Variants in PDZRN4 observed in about 807,000 individuals in gnomAD.
PDZRN4 encodes PDZ domain-containing RING finger protein 4.
In PDZRN4, 70 loss-of-function variants were observed where a neutral mutation model predicts 99.0. That is an observed-to-expected ratio of 0.71 (90% confidence interval 0.58 to 0.86). The LOEUF (loss-of-function observed/expected upper bound fraction) is 0.86. Among genes scored for constraint, PDZRN4 ranks in the 40% least tolerant of loss-of-function variants. The pLI, the probability that PDZRN4 is intolerant of heterozygous loss-of-function variation, is 0.00. For missense variants in PDZRN4, 1,474 were observed against 1,331.2 expected (o/e 1.11, Z -1.67); for synonymous variants, 551 against 501.6 (o/e 1.10, Z -1.32).
intron 3 of PDZRN4, among the ~76,000 whole-genome samples, chr12:41,393,507 TAA>T (rs61331927): frequency 0.015 from 2,175 of 149,064 alleles, 40 homozygotes; most frequent in East Asian, 0.11. Flanking sequence ...CCTTCTAAAA[TAA>T]AAAAAAAAAA....
chr12:41,439,724 T>G (rs941569680), intron 3 of PDZRN4, among the ~76,000 whole-genome samples: 2 of 152,160 alleles, frequency 1.3e-5, no homozygotes, highest in African/African-American at 4.8e-5. Flanking sequence ...CCTCCATATA[T>G]TTATTTTATT....
At chr12:41,339,179 A>G (rs912601700) in intron 3 of PDZRN4, among the ~76,000 whole-genome samples, 3 of 151,964 alleles carry the variant, frequency 2.0e-5, no homozygotes, top group Non-Finnish European at 4.4e-5. Context: ...AAATTATGCT[A>G]CAGAGTTATG....
At chr12:41,567,761 G>A in intron 8 of PDZRN4, 22 bp from the exon 9 acceptor site, 5 of 1,463,262 alleles carry the variant, frequency 3.4e-6, no homozygotes, top group Non-Finnish European at 3.8e-6. Context: ...ATAATATAAT[G>A]TACTAATGTA....
chr12:41,552,988 A>T (rs942796935), intron 6 of PDZRN4, among the ~76,000 whole-genome samples: 2 of 152,256 alleles, frequency 1.3e-5, no homozygotes, highest in African/African-American at 2.4e-5. Context: ...AGCAAGGAAA[A>T]GTGCAAAAGT....
chr12:41,535,821 T>C (rs1017074280), intron 5 of PDZRN4, among the ~76,000 whole-genome samples: 1 of 152,318 alleles, frequency 6.6e-6, no homozygotes, highest in South Asian at 2.1e-4. Flanking sequence ...CACCAGATGC[T>C]GGCCCCTCCA....
At chr12:41,321,839 A>T (rs1951680010) in intron 3 of PDZRN4, among the ~76,000 whole-genome samples, 1 of 152,198 alleles carries the variant, frequency 6.6e-6, no homozygotes, top group African/African-American at 2.4e-5. Flanking sequence ...GAATTATTAT[A>T]ACTTTCTAAT....
At chr12:41,389,780 T>C (rs1430197195) in intron 3 of PDZRN4, among the ~76,000 whole-genome samples, 1 of 152,238 alleles carries the variant, frequency 6.6e-6, no homozygotes. Flanking sequence ...TTGCCCTTCG[T>C]GCTGGGCACA....
chr12:41,545,509 ATGTGTGTG>A (rs61040270), intron 5 of PDZRN4, among the ~76,000 whole-genome samples: 6,839 of 143,036 alleles, frequency 0.048, 322 homozygotes, highest in African/African-American at 0.12. Context: ...GATGATATTA[ATGTGTGTG>A]TGTGTGTGTG....
intron 3 of PDZRN4, among the ~76,000 whole-genome samples, chr12:41,379,711 T>C (rs906955056): frequency 9.2e-5 from 14 of 151,974 alleles, no homozygotes; most frequent in African/African-American, 3.4e-4. Context: ...GCCCAAAAAG[T>C]ACTTGATTTT....
intron 3 of PDZRN4, among the ~76,000 whole-genome samples, chr12:41,481,112 A>G (rs1442454696): frequency 6.6e-6 from 1 of 151,838 alleles, no homozygotes; most frequent in East Asian, 1.9e-4. Flanking sequence ...CTATCTCACC[A>G]TTTCCCATAA....
intron 3 of PDZRN4, chr12:41,437,680 G>C: frequency 8.2e-7 from 1 of 1,221,540 alleles, no homozygotes; most frequent in Non-Finnish European, 1.1e-6. Flanking sequence ...CACTGATGCA[G>C]AGACGGGGGA....
At chr12:41,461,026 TGTTCCCTAGA>T (rs1325950887) in intron 3 of PDZRN4, among the ~76,000 whole-genome samples, 2 of 152,176 alleles carry the variant, frequency 1.3e-5, no homozygotes, top group Non-Finnish European at 2.9e-5. Context: ...CACTGAGTGA[TGTTCCCTAGA>T]GTTTCCCTGT....
At chr12:41,337,851 A>G (rs2121008065) in intron 3 of PDZRN4, among the ~76,000 whole-genome samples, 1 of 152,246 alleles carries the variant, frequency 6.6e-6, no homozygotes, top group East Asian at 1.9e-4. Flanking sequence ...CTATAAAATG[A>G]AGGATGCTGG....
chr12:41,217,636 A>C (rs2120715290), intron 3 of PDZRN4, among the ~76,000 whole-genome samples: 2 of 152,220 alleles, frequency 1.3e-5, no homozygotes, highest in East Asian at 1.9e-4. Flanking sequence ...AAATCAGTTT[A>C]GCCTGAAAGA....
At chr12:41,268,615 A>C (rs1320173350) in intron 3 of PDZRN4, among the ~76,000 whole-genome samples, 1 of 152,222 alleles carries the variant, frequency 6.6e-6, no homozygotes, top group African/African-American at 2.4e-5. Context: ...GTTAAACTTT[A>C]TTGTAAATAT....
chr12:41,411,075 T>TA (rs1364047571), intron 3 of PDZRN4, among the ~76,000 whole-genome samples: 1 of 149,198 alleles, frequency 6.7e-6, no homozygotes, highest in Non-Finnish European at 1.5e-5. Context: ...ATATTTTTTT[T>TA]TTATTTGTAA....
At chr12:41,302,960 A>ACT (rs1308922341) in intron 3 of PDZRN4, among the ~76,000 whole-genome samples, 1 of 137,930 alleles carries the variant, frequency 7.3e-6, no homozygotes, top group Non-Finnish European at 1.7e-5. Context: ...ACACACACAC[A>ACT]CACTCACACA....
At chr12:41,541,221 T>C (rs1249114689) in intron 5 of PDZRN4, among the ~76,000 whole-genome samples, 2 of 151,314 alleles carry the variant, frequency 1.3e-5, no homozygotes, top group Admixed American at 1.3e-4. Flanking sequence ...TGAGCCACCA[T>C]GCCTAGCCAG....
chr12:41,477,033 C>G (rs1173654697), intron 3 of PDZRN4, among the ~76,000 whole-genome samples: 1 of 152,178 alleles, frequency 6.6e-6, no homozygotes, highest in African/African-American at 2.4e-5. Context: ...ACTTTCAGCT[C>G]CATAAATAAC....
Sources: gnomAD v4.1 joint callset for allele counts (sites outside exome capture counted in the v4.1 genomes callset) on GRCh38, gnomAD v4.1.1 for gene constraint, MANE v1.5 for transcripts, NCBI Gene and HGNC (gene_info 2026-07-23, HGNC 2026-07-21) for gene names.